Variants in AIG1 observed in about 807,000 individuals in gnomAD.
AIG1 encodes androgen-induced gene 1 protein.
Under a neutral mutation model 31.4 loss-of-function variants are expected in AIG1, and 23 were observed. The ratio of observed to expected loss-of-function variants is 0.73; its 90% CI spans 0.53 to 1.04. AIG1 has a LOEUF of 1.04. Ranked by LOEUF, AIG1 falls within the 50% of genes least tolerant of loss-of-function variation. AIG1 has a pLI of 0.00. For synonymous variants in AIG1, 100 were observed against 110.5 expected (o/e 0.90, Z 0.60); for missense variants, 274 against 295.0 (o/e 0.93, Z 0.52).
At chr6:143,254,930 G>A (rs985346139) in intron 3 of AIG1, among the ~76,000 whole-genome samples, 4 of 152,048 alleles carry the variant, frequency 2.6e-5, no homozygotes, top group African/African-American at 4.8e-5. Flanking sequence ...CCCAGCTGTC[G>A]GGAGGCTGAG....
intron 3 of AIG1, chr6:143,189,221 A>T: frequency 2.3e-6 from 1 of 432,988 alleles, no homozygotes; most frequent in Non-Finnish European, 3.1e-6. Context: ...TTTTTTAAAA[A>T]TTTTTTTGTA....
chr6:143,184,605 C>T (rs1291298300), intron 3 of AIG1, among the ~76,000 whole-genome samples: 7 of 152,190 alleles, frequency 4.6e-5, no homozygotes, highest in Non-Finnish European at 1.0e-4. Flanking sequence ...AAATAGGTCC[C>T]GGATCGGCCC....
chr6:143,196,708 A>G (rs1790272260), intron 3 of AIG1, among the ~76,000 whole-genome samples: 1 of 152,156 alleles, frequency 6.6e-6, no homozygotes, highest in African/African-American at 2.4e-5. Context: ...GGCATTTTCA[A>G]GGATTGCTGT....
At chr6:143,099,524 G>A (rs563665521) in intron 1 of AIG1, 1 of 152,264 alleles carries the variant, frequency 6.6e-6, no homozygotes, top group African/African-American at 2.4e-5. Context: ...TTCCCAGACT[G>A]TAATTTTGCC....
chr6:143,311,187 C>CA (rs1775245664), intron 4 of AIG1, among the ~76,000 whole-genome samples: 1 of 151,728 alleles, frequency 6.6e-6, no homozygotes, highest in Non-Finnish European at 1.5e-5. Context: ...AACATAGATG[C>CA]AAAAAATCCT....
chr6:143,212,038 G>A (rs572059278), intron 3 of AIG1, among the ~76,000 whole-genome samples: 3 of 152,146 alleles, frequency 2.0e-5, no homozygotes, highest in South Asian at 4.2e-4. Context: ...ATTCTTGTTG[G>A]GTGGGGCCTG....
At chr6:143,188,008 G>T (rs999624742) in intron 3 of AIG1, 2 of 1,124,882 alleles carry the variant, frequency 1.8e-6, no homozygotes, top group African/African-American at 3.2e-5. Context: ...GAGAACTTTG[G>T]CATACCACTT....
intron 3 of AIG1, among the ~76,000 whole-genome samples, chr6:143,215,800 A>G (rs766926429): frequency 6.9e-4 from 105 of 152,300 alleles, no homozygotes; most frequent in Non-Finnish European, 1.2e-3. Flanking sequence ...AGAGTAATGA[A>G]TGAACACTCT....
Position 143,339,662 on chromosome 6 carries a change from C to G in AIG1, c.703C>G (p.Pro235Ala). 1 of 1,612,880 alleles carries G rather than the reference C, an allele frequency of 6.2e-7. No homozygotes were observed. The highest frequency in any genetic ancestry group is 8.5e-7 in the Non-Finnish European group (1 of 1,179,510). Reference protein sequence around the residue: ...QKSMEEEKEKPKLE With the variant: ...QKSMEEEKEKAKLE ...AGGTATGGAAGAAGAGAAAGAAAAGCCTAAATTGGAATGAGATCCAAGTCT... is the reference window on the plus strand; with the variant it reads ...AGGTATGGAAGAAGAGAAAGAAAAGGCTAAATTGGAATGAGATCCAAGTCT... The change falls in exon 6 of 6, where the codon CCT (proline) becomes GCT (alanine). Residue 235 changes from proline (P) to alanine (A), a missense_variant. This residue lies in a region of AIG1 where 31 missense variants were observed against 56.5 expected (regional missense o/e 0.55). Coordinates refer to ENST00000357847, the MANE Select transcript of AIG1 (RefSeq NM_016108.4).
intron 1 of AIG1, among the ~76,000 whole-genome samples, chr6:143,120,339 A>G (rs1007089384): frequency 1.3e-5 from 2 of 152,196 alleles, no homozygotes; most frequent in Non-Finnish European, 2.9e-5. Flanking sequence ...ACACCTTTGG[A>G]TAATGTATTA....
chr6:143,315,524 G>A (rs186595776), intron 4 of AIG1, among the ~76,000 whole-genome samples: 7 of 152,068 alleles, frequency 4.6e-5, no homozygotes, highest in Non-Finnish European at 8.8e-5. Context: ...TCTCACAAAT[G>A]TAGGCAACTG....
intron 3 of AIG1, among the ~76,000 whole-genome samples, chr6:143,231,933 G>C (rs544250955): frequency 6.6e-6 from 1 of 152,190 alleles, no homozygotes; most frequent in Non-Finnish European, 1.5e-5. Context: ...CAGATTCTAG[G>C]TGGAGACTGG....
intron 3 of AIG1, among the ~76,000 whole-genome samples, chr6:143,247,257 A>T (rs542349835): frequency 6.6e-6 from 1 of 152,212 alleles, no homozygotes; most frequent in African/African-American, 2.4e-5. Flanking sequence ...TCAGCCTCCC[A>T]AGTAACTGGG....
intron 1 of AIG1, among the ~76,000 whole-genome samples, chr6:143,068,668 C>G (rs1442700841): frequency 6.6e-6 from 1 of 152,138 alleles, no homozygotes; most frequent in Non-Finnish European, 1.5e-5. Flanking sequence ...AATAGAAATA[C>G]AGGGAAGAAA....
At chr6:143,204,851 G>A (rs1468142799) in intron 3 of AIG1, among the ~76,000 whole-genome samples, 1 of 151,980 alleles carries the variant, frequency 6.6e-6, no homozygotes, top group Non-Finnish European at 1.5e-5. Context: ...ATGAAGATGA[G>A]GGAAAGGAGA....
chr6:143,284,309 T>C lies in AIG1; in HGVS notation c.515+84T>C. The C allele has an allele frequency of 2.1e-6, 2 of 971,498 alleles. No homozygotes were observed. The highest frequency in any genetic ancestry group is 5.2e-5 in the East Asian group (2 of 38,498). The allele number at this position is 971,498 out of a possible 1,614,324, so 60.2% of individuals were successfully genotyped here. ...GGCACATATTTCATTATGGATATAA[T>C]CACTAACAGATTCACGCTGTGTGCC... On this transcript the variant is annotated intron_variant, in intron 4 of 5. Coordinates refer to ENST00000357847, the MANE Select transcript of AIG1 (RefSeq NM_016108.4). This position sits in a 1 kb window ranked among gnomAD's most constrained non-coding sequence, Gnocchi z 4.4.
At chr6:143,339,030 A>G (rs1223822833) in intron 5 of AIG1, 1 of 152,290 alleles carries the variant, frequency 6.6e-6, no homozygotes, top group Non-Finnish European at 1.5e-5. Context: ...TCCAGTACAT[A>G]CAAGTCCTTC....
rs901303311 is a variant in AIG1, at chr6:143,298,619, C to T, written c.515+14394C>T. Among the ~76,000 whole-genome samples, 2 of 152,188 alleles carry T rather than the reference C, an allele frequency of 1.3e-5. No individual in the cohort carries two copies. The highest frequency in any genetic ancestry group is 2.9e-5 in the Non-Finnish European group (2 of 68,036). On this transcript the variant is annotated intron_variant, in intron 4 of 5. Transcript: ENST00000357847. This position sits in a 1 kb window ranked among gnomAD's most constrained non-coding sequence, Gnocchi z 5.1. Reference sequence around the variant, plus strand: ...TAGGCCCAGGAGTTCAAAACCCAGCCTGGACAACATAGCAAGCTAATAGTC... The same window carrying T: ...TAGGCCCAGGAGTTCAAAACCCAGCTTGGACAACATAGCAAGCTAATAGTC...
intron 4 of AIG1, among the ~76,000 whole-genome samples, chr6:143,323,065 C>G (rs9484727): frequency 0.057 from 8,643 of 152,036 alleles, 646 homozygotes; most frequent in African/African-American, 0.17. Flanking sequence ...GAAACTGAGG[C>G]TCAATGAAGT....
Sources: gnomAD v4.1 joint callset for allele counts (sites outside exome capture counted in the v4.1 genomes callset) on GRCh38, gnomAD v4.1.1 for gene constraint, gnomAD v4.1.1 regional missense constraint, Gnocchi (gnomAD v3.1) non-coding constraint, MANE v1.5 for transcripts, NCBI Gene and HGNC (gene_info 2026-07-23, HGNC 2026-07-21) for gene names.